Variants in RAB22A observed in about 807,000 individuals in gnomAD.
RAB22A encodes the protein RAB22A, member RAS oncogene family, also known as ras-related protein Rab-22A.
RAB22A carries 13 observed loss-of-function variants against 30.2 expected under a neutral mutation model. The observed-to-expected ratio is 0.43, with a 90% CI of 0.28 to 0.68. The LOEUF is 0.68. RAB22A is among the 30% of genes least tolerant of loss of function. The pLI is 0.18. For missense variants in RAB22A, 177 were observed against 246.8 expected, an observed-to-expected ratio of 0.72 and a Z score of 1.89; for synonymous variants, 89 against 87.2, an observed-to-expected ratio of 1.02 and a Z score of -0.11.
At chr20:58,323,288 T>A (rs1447314530) in intron 2 of RAB22A, among the ~76,000 whole-genome samples, 1 of 152,196 alleles carries the variant, frequency 6.6e-6, no homozygotes, top group Non-Finnish European at 1.5e-5. Context: ...GTTGATTATA[T>A]ACAGAAATAC....
At chr20:58,343,118 G>GC (rs1986884302) in intron 2 of RAB22A, among the ~76,000 whole-genome samples, 1 of 152,170 alleles carries the variant, frequency 6.6e-6, no homozygotes, top group Non-Finnish European at 1.5e-5. Context: ...AACTTCAGCT[G>GC]AGAAACCCGT....
At chr20:58,344,271 A>C (rs1272426240) in intron 3 of RAB22A, among the ~76,000 whole-genome samples, 1 of 152,242 alleles carries the variant, frequency 6.6e-6, no homozygotes, top group African/African-American at 2.4e-5. Flanking sequence ...GATACTTAAT[A>C]AATGCCTGAT....
At chr20:58,343,162 A>C (rs1348347592) in intron 2 of RAB22A, among the ~76,000 whole-genome samples, 1 of 152,056 alleles carries the variant, frequency 6.6e-6, no homozygotes, top group East Asian at 1.9e-4. Context: ...CGTCAGGGGC[A>C]CTGATGATGA....
In RAB22A at chr20:58,364,530, T is replaced by C. The variant is rs554563916; in HGVS notation, c.*4827T>C. On this transcript the variant is annotated 3_prime_UTR_variant, in exon 7 of 7. Transcript: ENST00000244040. ...AAGATTAAGATGTATCATTAGTATA[T>C]GGTGAAATTAAAACCGTGGTGTCTA... The C allele has an allele frequency of 1.7e-4, 26 of 152,334 alleles. No homozygotes were observed. Among genetic ancestry groups the C allele is most frequent in the Admixed American group, 2.6e-4 (4 of 15,298 alleles). The allele number at this position is 152,334 out of a possible 1,614,324, so 9.4% of individuals were successfully genotyped here.
chr20:58,362,375 A>T lies in RAB22A; in HGVS notation c.*2672A>T, dbSNP rs1987241122. 6.6e-6 allele frequency: 1 copy of T among 152,178 alleles called. No homozygotes were observed. The highest frequency in any genetic ancestry group is 2.1e-4 in the South Asian group (1 of 4,830). The allele number at this position is 152,178 out of a possible 1,614,324, so 9.4% of individuals were successfully genotyped here. A position where few individuals can be genotyped will look rare whatever the true frequency, so the allele number is the denominator to read the frequency against. On this transcript the variant is annotated 3_prime_UTR_variant, in exon 7 of 7. Transcript: ENST00000244040. ...AATACACATTTCATATTTTCTTTAT[A>T]ATAATTTCTTATGGAGAAGAGGCTA... is the stretch of plus-strand genomic sequence containing the variant.
At chr20:58,341,583 G>A (rs1047449112) in intron 2 of RAB22A, among the ~76,000 whole-genome samples, 9 of 152,138 alleles carry the variant, frequency 5.9e-5, no homozygotes, top group South Asian at 2.1e-4. Context: ...GGAAGGAGGC[G>A]TGGTGAAAGT....
At chr20:58,329,425 G>T (rs1204307737) in intron 2 of RAB22A, among the ~76,000 whole-genome samples, 5 of 152,174 alleles carry the variant, frequency 3.3e-5, no homozygotes, top group African/African-American at 1.2e-4. Flanking sequence ...ACTTTACTGT[G>T]TCATTCTGTT....
chr20:58,329,491 C>T (rs1037362006), intron 2 of RAB22A, among the ~76,000 whole-genome samples: 4 of 152,104 alleles, frequency 2.6e-5, no homozygotes, highest in Non-Finnish European at 5.9e-5. Context: ...CATATTGTTA[C>T]CCTATATGTA....
At chr20:58,352,105 G>A (rs1478672813) in intron 3 of RAB22A, among the ~76,000 whole-genome samples, 1 of 152,154 alleles carries the variant, frequency 6.6e-6, no homozygotes, top group East Asian at 1.9e-4. Flanking sequence ...TGTGTTGATA[G>A]AACTGTTTGA....
intron 2 of RAB22A, among the ~76,000 whole-genome samples, chr20:58,311,746 T>C (rs1486348553): frequency 6.6e-6 from 1 of 152,240 alleles, no homozygotes; most frequent in African/African-American, 2.4e-5. Context: ...TAAAACTAAA[T>C]AGGTGCTGTG....
intron 2 of RAB22A, among the ~76,000 whole-genome samples, chr20:58,313,778 T>C (rs1302486289): frequency 6.6e-6 from 1 of 152,192 alleles, no homozygotes; most frequent in Admixed American, 6.5e-5. Context: ...ACTGTGGCCT[T>C]TTTGCCCGCC....
chr20:58,340,076 G>A (rs894577687), intron 2 of RAB22A, among the ~76,000 whole-genome samples: 2 of 152,220 alleles, frequency 1.3e-5, no homozygotes, highest in Non-Finnish European at 2.9e-5. Flanking sequence ...GAAATCAACA[G>A]AAATGCATTG....
chr20:58,348,226 CA>C (rs921329858), intron 3 of RAB22A, among the ~76,000 whole-genome samples: 16 of 147,092 alleles, frequency 1.1e-4, no homozygotes, highest in Non-Finnish European at 1.2e-4. Context: ...GACTCCATCT[CA>C]AAAAAAAAAA....
At chr20:58,348,632 G>C (rs1986991066) in intron 3 of RAB22A, among the ~76,000 whole-genome samples, 1 of 152,102 alleles carries the variant, frequency 6.6e-6, no homozygotes, top group Non-Finnish European at 1.5e-5. Flanking sequence ...CATCCAACCT[G>C]CCACCAGTTT....
Position 58,343,773 on chromosome 20 carries a change from A to G in RAB22A, c.172A>G (p.Ile58Val), listed in dbSNP as rs1295474818. The G allele has an allele frequency of 1.2e-6, 2 of 1,610,916 alleles. No homozygotes were observed. The highest frequency in any genetic ancestry group is 1.7e-6 in the Non-Finnish European group (2 of 1,177,114). Residue 58 changes from isoleucine (I) to valine (V), a missense_variant, in exon 3 of 7, where the codon ATC (isoleucine) becomes GTC (valine). By Grantham distance (29) the Ile-to-Val change is conservative. Coordinates refer to ENST00000244040, the MANE Select transcript of RAB22A (RefSeq NM_020673.3). ...QYQNELHKFL[I>V]WDTAGQERFR... The stretch of plus-strand genomic sequence containing the variant: ...CCAAAATGAGCTACATAAATTCCTA[A>G]TCTGGGATACAGCTGGACAAGAACG...
rs1344957246 is a variant in RAB22A at position 58,335,567 on chromosome 20, CTG to C, written c.117-8149_117-8148del. On this transcript the variant is annotated intron_variant, in intron 2 of 6. Transcript: ENST00000244040. ...AAAAATAAAAGAGCATATGGGGAAA[CTG>C]TATATGCATGTGCTTTATCTAAACC... Among the ~76,000 whole-genome samples, 4 of 152,174 alleles carry C rather than the reference CTG, an allele frequency of 2.6e-5. No individual in the cohort carries two copies. The East Asian group carries it at 5.8e-4, about 22-fold the overall frequency.
chr20:58,324,865 CAAAAA>C (rs35375006), intron 2 of RAB22A, among the ~76,000 whole-genome samples: 2 of 29,760 alleles, frequency 6.7e-5, no homozygotes, highest in Non-Finnish European at 1.2e-4. Context: ...GACTCCGTCT[CAAAAA>C]AAAAAAAAAA....
intron 2 of RAB22A, among the ~76,000 whole-genome samples, chr20:58,325,453 G>C (rs1320183256): frequency 6.6e-6 from 1 of 152,168 alleles, no homozygotes; most frequent in African/African-American, 2.4e-5. Flanking sequence ...CTGCAGCCTG[G>C]GTGAGAGAGT....
intron 2 of RAB22A, among the ~76,000 whole-genome samples, chr20:58,323,485 CT>C (rs1986497916): frequency 6.6e-6 from 1 of 151,914 alleles, no homozygotes; most frequent in African/African-American, 2.4e-5. Flanking sequence ...GGTAGGATCT[CT>C]AGTTCAATGT....
Sources: gnomAD v4.1 joint callset for allele counts (sites outside exome capture counted in the v4.1 genomes callset) on GRCh38, gnomAD v4.1.1 for gene constraint, MANE v1.5 for transcripts, NCBI Gene and HGNC (gene_info 2026-07-23, HGNC 2026-07-21) for gene names.